Variants in SLC16A10 observed in about 807,000 individuals in gnomAD.
SLC16A10 encodes the protein monocarboxylate transporter 10.
Under a neutral mutation model 40.0 loss-of-function variants are expected in SLC16A10, and 27 were observed. That is an observed-to-expected ratio of 0.67 (90% confidence interval 0.50 to 0.93). The LOEUF is 0.93. SLC16A10 is among the 40% of genes least tolerant of loss of function. The pLI is 0.00. For missense variants in SLC16A10, 529 were observed against 658.2 expected (o/e 0.80, Z 2.15); for synonymous variants, 213 against 249.8 (o/e 0.85, Z 1.39).
intron 1 of SLC16A10, among the ~76,000 whole-genome samples, chr6:111,103,469 C>T (rs770253863): frequency 6.6e-6 from 1 of 152,126 alleles, no homozygotes; most frequent in Non-Finnish European, 1.5e-5. Flanking sequence ...CCACCTGCCT[C>T]GGCCTCCCAA....
At chr6:111,209,696 G>T (rs996815388) in intron 4 of SLC16A10, among the ~76,000 whole-genome samples, 92 of 152,246 alleles carry the variant, frequency 6.0e-4, no homozygotes, top group African/African-American at 2.1e-3. Context: ...GAAAGGGAGT[G>T]GCCAGATAGG....
At chr6:111,171,459 T>G (rs1772583995) in intron 1 of SLC16A10, among the ~76,000 whole-genome samples, 1 of 152,154 alleles carries the variant, frequency 6.6e-6, no homozygotes, top group Non-Finnish European at 1.5e-5. Flanking sequence ...CAAGACCAGC[T>G]TGAGTAGCAA....
chr6:111,165,451 T>C (rs192741527), intron 1 of SLC16A10, among the ~76,000 whole-genome samples: 39 of 152,294 alleles, frequency 2.6e-4, no homozygotes, highest in South Asian at 6.2e-4. Flanking sequence ...GAGGAAAACA[T>C]AGAGGCCTTT....
intron 4 of SLC16A10, among the ~76,000 whole-genome samples, chr6:111,216,172 G>C (rs1773417552): frequency 6.6e-6 from 1 of 152,174 alleles, no homozygotes; most frequent in Admixed American, 6.5e-5. Flanking sequence ...GTCATAGAGA[G>C]CTTAGAACCT....
chr6:111,112,119 A>G (rs531967304), intron 1 of SLC16A10, among the ~76,000 whole-genome samples: 4 of 152,116 alleles, frequency 2.6e-5, no homozygotes, highest in Admixed American at 2.0e-4. Flanking sequence ...AGCCTCTACC[A>G]TACAGGCTCA....
At chr6:111,153,521 G>A (rs1358074941) in intron 1 of SLC16A10, among the ~76,000 whole-genome samples, 5 of 147,228 alleles carry the variant, frequency 3.4e-5, no homozygotes, top group Non-Finnish European at 6.0e-5. Context: ...GCAACAGAGC[G>A]AGACCCTGTC....
At chr6:111,142,251 G>A (rs1369178530) in intron 1 of SLC16A10, among the ~76,000 whole-genome samples, 1 of 152,136 alleles carries the variant, frequency 6.6e-6, no homozygotes, top group Non-Finnish European at 1.5e-5. Context: ...AGGAGCAAAG[G>A]CAATAGAATG....
intron 1 of SLC16A10, among the ~76,000 whole-genome samples, chr6:111,172,414 A>AT (rs1337091346): frequency 1.3e-5 from 2 of 151,964 alleles, no homozygotes; most frequent in African/African-American, 4.8e-5. Context: ...CTGATTCTCA[A>AT]TTTTTTTATT....
intron 3 of SLC16A10, among the ~76,000 whole-genome samples, chr6:111,181,798 A>G (rs1371200400): frequency 1.3e-5 from 2 of 152,148 alleles, no homozygotes; most frequent in African/African-American, 2.4e-5. Flanking sequence ...AGCTAAATTT[A>G]CCTTTCTTTT....
intron 1 of SLC16A10, among the ~76,000 whole-genome samples, chr6:111,098,231 G>A (rs1047324218): frequency 6.6e-6 from 1 of 152,008 alleles, no homozygotes; most frequent in African/African-American, 2.4e-5. Flanking sequence ...GCTTGAACCC[G>A]CGAGTTGGAG....
chr6:111,177,930 C>G (rs1338325598), intron 3 of SLC16A10, among the ~76,000 whole-genome samples: 2 of 152,132 alleles, frequency 1.3e-5, no homozygotes, highest in Non-Finnish European at 2.9e-5. Flanking sequence ...ATGGTCCCAG[C>G]TACTAAGCTG....
At chr6:111,115,996 A>T (rs1286046827) in intron 1 of SLC16A10, among the ~76,000 whole-genome samples, 2 of 152,198 alleles carry the variant, frequency 1.3e-5, no homozygotes, top group Non-Finnish European at 2.9e-5. Flanking sequence ...CTTATATCCC[A>T]TAATATTCTT....
intron 1 of SLC16A10, among the ~76,000 whole-genome samples, chr6:111,147,260 A>AG (rs1419274446): frequency 2.6e-5 from 4 of 152,360 alleles, no homozygotes; most frequent in Admixed American, 6.5e-5. Flanking sequence ...CAAAATACAG[A>AG]GTATAATTCA....
chr6:111,206,861 T>A, intron 4 of SLC16A10, 126 bp downstream of exon 4: 1 of 1,221,532 alleles, frequency 8.2e-7, no homozygotes, highest in Non-Finnish European at 1.1e-6. Context: ...GGAGTTTCGC[T>A]CTTATTGCCC....
chr6:111,089,908 G>GTTTTTT lies in SLC16A10; in HGVS notation c.343+1846_343+1851dup, dbSNP rs541758500. On this transcript the variant is annotated intron_variant, in intron 1 of 5. Coordinates refer to ENST00000368851, the MANE Select transcript of SLC16A10 (RefSeq NM_018593.5). ...TAGATCCTTTGGTGTCTGTGGGTGG[G>GTTTTTT]TTTTTTTTTTTTTTTTTTTTTTTTT... Among the ~76,000 whole-genome samples, 331 of 52,336 alleles carry GTTTTTT rather than the reference G, an allele frequency of 6.3e-3. 122 individuals carry two copies. Among genetic ancestry groups the GTTTTTT allele is most frequent in the Non-Finnish European group, 1.0e-2 (262 of 26,258 alleles). The allele number at this position is 52,336 out of a possible 152,430, so 34.3% of individuals were successfully genotyped here.
chr6:111,103,590 T>C (rs1453716880), intron 1 of SLC16A10, among the ~76,000 whole-genome samples: 1 of 152,186 alleles, frequency 6.6e-6, no homozygotes, highest in African/African-American at 2.4e-5. Flanking sequence ...TATTCCATGC[T>C]CTTGAGAGGT....
chr6:111,132,454 T>A (rs1348486784), intron 1 of SLC16A10, among the ~76,000 whole-genome samples: 1 of 152,164 alleles, frequency 6.6e-6, no homozygotes, highest in Non-Finnish European at 1.5e-5. Context: ...ATCAAAATCC[T>A]ATCAAAAATC....
Position 111,200,801 on chromosome 6 carries a change from A to G in SLC16A10, c.943-5791A>G, listed in dbSNP as rs546177078. ...GTTTACCTTTCAAAAAAGTATGTTTAGGCAGAATGGTCTTCTAGAGTTATG... is the reference window on the plus strand; with the variant it reads ...GTTTACCTTTCAAAAAAGTATGTTTGGGCAGAATGGTCTTCTAGAGTTATG... On this transcript the variant is annotated intron_variant, in intron 3 of 5. Transcript: ENST00000368851. Among the ~76,000 whole-genome samples the G allele has an allele frequency of 3.7e-4, 57 of 152,276 alleles. 1 individual carries two copies. In the South Asian group the frequency reaches 0.011, roughly 31 times the overall value.
At chr6:111,138,200 GA>G (rs1165701606) in intron 1 of SLC16A10, among the ~76,000 whole-genome samples, 2 of 152,254 alleles carry the variant, frequency 1.3e-5, no homozygotes, top group African/African-American at 4.8e-5. Flanking sequence ...TAACATTGCA[GA>G]AAACTTGAGG....
Sources: allele counts gnomAD v4.1 joint callset (sites outside exome capture counted in the v4.1 genomes callset), GRCh38; gene constraint gnomAD v4.1.1; transcripts MANE v1.5; gene names NCBI Gene and HGNC (gene_info 2026-07-23, HGNC 2026-07-21).